Variants in CTBP2 observed in about 807,000 individuals in gnomAD.
CTBP2 encodes C-terminal binding protein 2.
Under a neutral mutation model 80.3 loss-of-function variants are expected in CTBP2, and 30 were observed. The observed-to-expected ratio is 0.37, with a 90% CI of 0.28 to 0.51. The LOEUF is 0.51. Among genes scored for constraint, CTBP2 ranks in the 20% least tolerant of loss-of-function variants. The pLI, the probability that CTBP2 is intolerant of heterozygous loss-of-function variation, is 0.93. For missense variants in CTBP2, 1,212 were observed against 1,375.3 expected, an observed-to-expected ratio of 0.88 and a Z score of 1.88; for synonymous variants, 594 against 587.4, an observed-to-expected ratio of 1.01 and a Z score of -0.16.
chr10:125,068,496 G>C (rs1844979760), intron 2 of CTBP2, among the ~76,000 whole-genome samples: 1 of 152,210 alleles, frequency 6.6e-6, no homozygotes, highest in African/African-American at 2.4e-5. Flanking sequence ...ATGAAACTGA[G>C]AATGTTTCCA....
At chr10:125,145,536 A>C (rs776833068) in intron 1 of CTBP2, among the ~76,000 whole-genome samples, 104 of 152,292 alleles carry the variant, frequency 6.8e-4, no homozygotes, top group Non-Finnish European at 3.8e-4. Flanking sequence ...GAAGGTTGCT[A>C]GCACTTATCT....
rs1406500833 is a variant in CTBP2 at position 124,987,031 on chromosome 10, C to A, written c.*2487G>T. 1.3e-5 allele frequency: 2 copies of A among 152,484 alleles called. No homozygotes were observed. The highest frequency in any genetic ancestry group is 2.9e-5 in the Non-Finnish European group (2 of 68,006). 9.4% of individuals were successfully genotyped at this position (152,484 alleles called of 1,614,324 possible). Reference sequence around the variant, plus strand: ...TAGTGTGATAGGTGCAGCATTCTTCCCTGTGGGAAAGAATTAAAGATGGTT... The same window carrying A: ...TAGTGTGATAGGTGCAGCATTCTTCACTGTGGGAAAGAATTAAAGATGGTT... On this transcript the variant is annotated 3_prime_UTR_variant, in exon 9 of 9. Transcript: ENST00000309035.
intron 2 of CTBP2, among the ~76,000 whole-genome samples, chr10:125,079,120 C>G (rs1417362662): frequency 6.9e-6 from 1 of 145,320 alleles, no homozygotes; most frequent in African/African-American, 2.6e-5. Flanking sequence ...GCACTCCTGC[C>G]TGGGTGACAG....
intron 1 of CTBP2, among the ~76,000 whole-genome samples, chr10:125,114,092 T>C (rs1852762942): frequency 6.6e-6 from 1 of 152,214 alleles, no homozygotes; most frequent in African/African-American, 2.4e-5. Context: ...GGGGATATTT[T>C]CTTGGCAGGA....
At chr10:125,117,934 C>T (rs577736042) in intron 1 of CTBP2, among the ~76,000 whole-genome samples, 9 of 152,242 alleles carry the variant, frequency 5.9e-5, no homozygotes, top group African/African-American at 2.2e-4. Flanking sequence ...AGAAAAATGC[C>T]CTCTAGGCAG....
chr10:125,082,123 T>C (rs574468916), intron 2 of CTBP2, among the ~76,000 whole-genome samples: 4 of 152,240 alleles, frequency 2.6e-5, no homozygotes, highest in African/African-American at 9.6e-5. Flanking sequence ...TGGCGTGCCC[T>C]CCCTGATGGC....
At chr10:125,024,525 AAAAAG>A (rs542553094) in intron 1 of CTBP2, among the ~76,000 whole-genome samples, 70 of 152,372 alleles carry the variant, frequency 4.6e-4, no homozygotes, top group South Asian at 1.0e-3. Context: ...AATAAACAGG[AAAAAG>A]AAAAGAAAAG....
chr10:125,085,613 G>A (rs556700808), intron 2 of CTBP2, among the ~76,000 whole-genome samples: 6 of 152,312 alleles, frequency 3.9e-5, no homozygotes, highest in South Asian at 2.1e-4. Flanking sequence ...TTCTGCGGGC[G>A]CTGGAACTTC....
chr10:125,049,896 C>A (rs967683352), intron 2 of CTBP2, among the ~76,000 whole-genome samples: 3 of 152,180 alleles, frequency 2.0e-5, no homozygotes, highest in African/African-American at 7.2e-5. Context: ...TTCTGCCCAG[C>A]CTGACGTGAC....
At chr10:125,116,339 C>T (rs1359993290) in intron 1 of CTBP2, among the ~76,000 whole-genome samples, 3 of 152,156 alleles carry the variant, frequency 2.0e-5, no homozygotes, top group Non-Finnish European at 2.9e-5. Context: ...GACGAGTGAA[C>T]GCCCTCTGCC....
At chr10:125,013,126 T>C (rs1342754818) in intron 1 of CTBP2, among the ~76,000 whole-genome samples, 1 of 152,066 alleles carries the variant, frequency 6.6e-6, no homozygotes, top group Non-Finnish European at 1.5e-5. Context: ...TCCTAAACTA[T>C]GAGATTCTCA....
In CTBP2 at chr10:125,077,013, G is replaced by A. The variant is rs556400785; in HGVS notation, c.-102+33977C>T. Among the ~76,000 whole-genome samples the A allele has an allele frequency of 8.5e-5, 13 of 152,278 alleles. No homozygotes were observed. In the East Asian group the frequency reaches 1.4e-3, roughly 16 times the overall value. On this transcript the variant is annotated intron_variant, in intron 2 of 10. Coordinates refer to the CTBP2 transcript ENST00000337195. ...CAAACTTTTACTTCCTGTAGCGAAC[G>A]CACAGGTCAGGCCAACTGATGTGTG...
At chr10:125,101,899 T>C (rs1312932291) in intron 2 of CTBP2, among the ~76,000 whole-genome samples, 6 of 152,298 alleles carry the variant, frequency 3.9e-5, no homozygotes, top group Non-Finnish European at 7.3e-5. Flanking sequence ...TCTACATCCA[T>C]ACATTGCATT....
At chr10:125,042,559 G>A (rs562300090) in intron 2 of CTBP2, among the ~76,000 whole-genome samples, 2 of 152,202 alleles carry the variant, frequency 1.3e-5, no homozygotes, top group East Asian at 1.9e-4. Context: ...GTGGGTGGAG[G>A]GAGTTCTAGA....
Position 124,984,871 on chromosome 10 carries a change from G to A in CTBP2, c.*4647C>T, listed in dbSNP as rs1437456997. The A allele has an allele frequency of 1.5e-5, 24 of 1,613,866 alleles. No individual in the cohort carries two copies. Among genetic ancestry groups the A allele is most frequent in the East Asian group, 2.2e-5 (1 of 44,890 alleles). On this transcript the variant is annotated 3_prime_UTR_variant, in exon 9 of 9. Transcript: ENST00000309035. ...CTGGTTGCCATGCAGAAGAGTTCTC[G>A]GCGGCGAAATCACCCCCTGGTCACT... is the stretch of plus-strand genomic sequence containing the variant.
At chr10:125,092,051 G>A (rs1848834312) in intron 2 of CTBP2, among the ~76,000 whole-genome samples, 2 of 152,134 alleles carry the variant, frequency 1.3e-5, no homozygotes, top group South Asian at 4.1e-4. Context: ...GGATGCTTGA[G>A]TCATCTGTCT....
In CTBP2 at chr10:125,068,129, C is replaced by T. The variant is rs76489026; in HGVS notation, c.-101-28974G>A. On this transcript the variant is annotated intron_variant, in intron 2 of 10. Coordinates refer to the CTBP2 transcript ENST00000337195. ...GAAGATGACAGCCAATTTCACCATGCGGCCCAGGCCCACAGACTCCAGAGG... is the reference window on the plus strand; with the variant it reads ...GAAGATGACAGCCAATTTCACCATGTGGCCCAGGCCCACAGACTCCAGAGG... Among the ~76,000 whole-genome samples the T allele has an allele frequency of 2.6e-3, 393 of 152,304 alleles. 1 individual carries two copies. Among genetic ancestry groups the T allele is most frequent in the African/African-American group, 9.1e-3 (379 of 41,572 alleles).
chr10:125,109,829 G>A (rs935794314), intron 2 of CTBP2, among the ~76,000 whole-genome samples: 4 of 152,232 alleles, frequency 2.6e-5, no homozygotes, highest in Non-Finnish European at 1.5e-5. Flanking sequence ...TAAGGCTTCC[G>A]AGTGCCAGCA....
Position 125,026,459 on chromosome 10 carries a change from G to A in CTBP2, c.1301C>T (p.Pro434Leu), listed in dbSNP as rs200146066. Reference sequence around the variant, plus strand: ...GGGAGAGCTGTACCCGGAGTTGGAGGGGAAGTGTGGGGCATGGGTGCCCAC... The same window carrying A: ...GGGAGAGCTGTACCCGGAGTTGGAGAGGAAGTGTGGGGCATGGGTGCCCAC... The change falls in exon 1 of 9, where the codon CCC (proline) becomes CTC (leucine). Residue 434 changes from proline (P) to leucine (L), a missense_variant. Pro to Leu is a moderately conservative substitution (Grantham distance 98, BLOSUM62 -3). Transcript: ENST00000309035. 14 of 1,599,868 alleles carry A rather than the reference G, an allele frequency of 8.8e-6. No individual in the cohort carries two copies. Among genetic ancestry groups the A allele is most frequent in the East Asian group, 6.7e-5 (3 of 44,516 alleles).
Sources: gnomAD v4.1 joint callset for allele counts (sites outside exome capture counted in the v4.1 genomes callset) on GRCh38, gnomAD v4.1.1 for gene constraint, MANE v1.5 for transcripts, NCBI Gene and HGNC (gene_info 2026-07-23, HGNC 2026-07-21) for gene names.